Variants in AKR1B1 observed in about 807,000 individuals in gnomAD.
AKR1B1 encodes aldo-keto reductase family 1 member B.
A neutral mutation model predicts 40.4 loss-of-function variants in AKR1B1; 22 were observed. The ratio of observed to expected loss-of-function variants is 0.54; its 90% confidence interval spans 0.39 to 0.78. The LOEUF (loss-of-function observed/expected upper bound fraction) is 0.78. Ranked by LOEUF, AKR1B1 falls within the 30% of genes least tolerant of loss-of-function variation. The pLI, the probability that AKR1B1 is intolerant of heterozygous loss-of-function variation, is 0.00. For missense variants in AKR1B1, 357 were observed against 396.7 expected, an observed-to-expected ratio of 0.90 and a Z score of 0.85; for synonymous variants, 157 against 149.9, an observed-to-expected ratio of 1.05 and a Z score of -0.35.
At chr7:134,449,919 G>A in intron 3 of AKR1B1, 122 bp from the exon 4 acceptor site, 1 of 828,020 alleles carries the variant, frequency 1.2e-6, no homozygotes, top group South Asian at 1.4e-5. Context: ...GATAATCTGT[G>A]TGCCACTATG....
Position 134,448,495 on chromosome 7 carries a change from T to C in AKR1B1, c.553-2A>G. The stretch of plus-strand genomic sequence containing the variant: ...AGTGAGATATGGGTGGCACTCAATC[T>C]GCAAATGCAAAAACAAGAGCTGATG... On this transcript the variant is annotated splice_acceptor_variant, in intron 5 of 9. Transcript: ENST00000285930. LOFTEE classifies it high-confidence loss of function. 6.2e-7 allele frequency: 1 copy of C among 1,611,326 alleles called. No homozygotes were observed. Among genetic ancestry groups the C allele is most frequent in the Non-Finnish European group, 8.5e-7 (1 of 1,177,492 alleles).
intron 9 of AKR1B1, chr7:134,444,586 T>G (rs924910591): frequency 6.3e-6 from 1 of 158,358 alleles, no homozygotes; most frequent in Non-Finnish European, 1.4e-5. Context: ...CAGTCTCCAC[T>G]GCAAAATGAG....
intron 5 of AKR1B1, among the ~76,000 whole-genome samples, 171 bp from the exon 6 acceptor site, chr7:134,448,664 C>G (rs778806318): frequency 6.6e-6 from 1 of 152,226 alleles, no homozygotes; most frequent in East Asian, 1.9e-4. Context: ...AGGTAGTATC[C>G]TTGGTGTTAT....
chr7:134,442,965 C>G (rs1379748294), intron 9 of AKR1B1, among the ~76,000 whole-genome samples, 195 bp from the exon 10 acceptor site: 1 of 152,200 alleles, frequency 6.6e-6, no homozygotes, highest in East Asian at 1.9e-4. Context: ...TCTACCACTA[C>G]TGTCATCAAG....
chr7:134,451,556 G>A (rs537803948), intron 2 of AKR1B1, 30 bp downstream of exon 2: 1 of 1,612,548 alleles, frequency 6.2e-7, no homozygotes, highest in East Asian at 2.2e-5. Context: ...GGGACCGAGA[G>A]CCCCTTCCAG....
At position 134,451,742 on chromosome 7, in the gene AKR1B1, C is replaced by T. The variant is rs2117458862; in HGVS notation, c.78G>A (p.Gly26=). The change falls in exon 2 of 10, where the codon GGG becomes GGA. Residue 26 remains glycine, a synonymous_variant. Transcript: ENST00000285930. The part of the protein sequence containing the change: ...LGLGTWKSPP[G]QVTEAVKVAI... The stretch of plus-strand genomic sequence containing the variant: ...CCACCTTCACGGCCTCAGTCACCTG[C>T]CCTGGAGGGGACTGAAAGGAGAAAG... 1 of 1,614,092 alleles carries T rather than the reference C, an allele frequency of 6.2e-7. No homozygotes were observed. Among genetic ancestry groups the T allele is most frequent in the Admixed American group, 1.7e-5 (1 of 60,006 alleles).
intron 9 of AKR1B1, chr7:134,444,894 G>A (rs1015620273): frequency 1.2e-5 from 5 of 416,176 alleles, no homozygotes; most frequent in Non-Finnish European, 2.2e-5. Flanking sequence ...AAAGTCACAG[G>A]CAAATTCTTC....
intron 1 of AKR1B1, among the ~76,000 whole-genome samples, chr7:134,454,361 T>TA (rs1396573602): frequency 6.6e-6 from 1 of 152,194 alleles, no homozygotes; most frequent in Non-Finnish European, 1.5e-5. Flanking sequence ...CCTCCTTTGA[T>TA]AACACCGGCT....
intron 4 of AKR1B1, chr7:134,449,325 G>A (rs1708434): frequency 0.27 from 179,963 of 670,084 alleles, 25,853 homozygotes; most frequent in Middle Eastern, 0.43. Flanking sequence ...GGTGGCTCAC[G>A]CCTGTAATCC....
intron 1 of AKR1B1, among the ~76,000 whole-genome samples, 175 bp downstream of exon 1, chr7:134,458,822 G>T (rs952602684): frequency 7.2e-5 from 11 of 152,230 alleles, no homozygotes; most frequent in Middle Eastern, 3.4e-3. Flanking sequence ...CAAGGCCCCC[G>T]GTCTCTGCAA....
intron 1 of AKR1B1, among the ~76,000 whole-genome samples, chr7:134,456,386 A>C (rs1351602532): frequency 6.6e-6 from 1 of 151,968 alleles, no homozygotes; most frequent in Non-Finnish European, 1.5e-5. Flanking sequence ...TTTTTAGTAG[A>C]GACGGGGTTT....
intron 2 of AKR1B1, 47 bp from the exon 3 acceptor site, chr7:134,450,949 G>C: frequency 6.6e-7 from 1 of 1,509,286 alleles, no homozygotes; most frequent in Non-Finnish European, 9.2e-7. Flanking sequence ...CCACAAGGCA[G>C]CTTCCTGGCT....
At chr7:134,452,341 T>G (rs1806314067) in intron 1 of AKR1B1, among the ~76,000 whole-genome samples, 1 of 152,194 alleles carries the variant, frequency 6.6e-6, no homozygotes, top group Non-Finnish European at 1.5e-5. Context: ...TCTCACTGTA[T>G]GAGGATCTGC....
chr7:134,447,555 C>G, intron 7 of AKR1B1, 174 bp from the exon 8 acceptor site: 1 of 685,906 alleles, frequency 1.5e-6, no homozygotes, highest in Non-Finnish European at 2.6e-6. Flanking sequence ...GCATTCAGGT[C>G]CAGATCTGAC....
intron 1 of AKR1B1, 143 bp downstream of exon 1, chr7:134,458,854 G>A (rs916379341): frequency 3.0e-5 from 28 of 936,884 alleles, no homozygotes; most frequent in Non-Finnish European, 4.0e-5. Context: ...GCCCGCTGGG[G>A]ACCCTGCAAG....
chr7:134,450,751 C>A, intron 3 of AKR1B1, 35 bp downstream of exon 3: 1 of 1,558,630 alleles, frequency 6.4e-7, no homozygotes, highest in Non-Finnish European at 8.8e-7. Context: ...GCACCTGAGC[C>A]CCAAGGGACC....
At chr7:134,455,640 G>A (rs1585718751) in intron 1 of AKR1B1, among the ~76,000 whole-genome samples, 1 of 152,182 alleles carries the variant, frequency 6.6e-6, no homozygotes, top group East Asian at 1.9e-4. Flanking sequence ...CTGGAGTGCA[G>A]TGGCACAATC....
intron 8 of AKR1B1, among the ~76,000 whole-genome samples, chr7:134,446,579 G>A (rs998630741): frequency 0.011 from 4 of 350 alleles, no homozygotes; most frequent in Non-Finnish European, 0.019. Flanking sequence ...TCCTTTGGGC[G>A]TGCCCCCCCC....
At position 134,448,135 on chromosome 7, in the gene AKR1B1, T is replaced by C. The variant is rs556228204; in HGVS notation, c.660-74A>G. On this transcript the variant is annotated intron_variant, in intron 6 of 9. Transcript: ENST00000285930. ...CAGCAGCCAGAAACCCCAACCCTAA[T>C]CCTCCCATCGACCTCAGAGGGCAGC... 3.3e-5 allele frequency: 43 copies of C among 1,284,004 alleles called. No homozygotes were observed. In the African/African-American group the frequency reaches 4.0e-4, roughly 12 times the overall value. 79.5% of individuals were successfully genotyped at this position (1,284,004 alleles called of 1,614,324 possible).
Sources: allele counts gnomAD v4.1 joint callset (sites outside exome capture counted in the v4.1 genomes callset), GRCh38; gene constraint gnomAD v4.1.1; transcripts MANE v1.5; gene names NCBI Gene and HGNC (gene_info 2026-07-23, HGNC 2026-07-21).